ROBO1: variants seen among roughly 807,000 people sequenced by gnomAD.
ROBO1 encodes the protein roundabout homolog 1.
Under a neutral mutation model 195.9 loss-of-function variants are expected in ROBO1, and 149 were observed. That is an observed-to-expected ratio of 0.76 (90% CI 0.67 to 0.87). The LOEUF is 0.87. Among genes scored for constraint, ROBO1 ranks in the 40% least tolerant of loss-of-function variants. ROBO1 has a pLI of 0.00. For missense variants in ROBO1, 1,933 were observed against 2,068.3 expected (o/e 0.93, Z 1.27); for synonymous variants, 816 against 733.2 (o/e 1.11, Z -1.82).
intron 2 of ROBO1, among the ~76,000 whole-genome samples, chr3:79,573,587 G>A (rs537821703): frequency 2.6e-5 from 4 of 152,012 alleles, no homozygotes; most frequent in Non-Finnish European, 5.9e-5. Flanking sequence ...ATATTCATAT[G>A]GGACAATTCC....
intron 4 of ROBO1, among the ~76,000 whole-genome samples, chr3:78,800,236 G>A (rs2084323492): frequency 6.6e-6 from 1 of 152,066 alleles, no homozygotes; most frequent in African/African-American, 2.4e-5. Context: ...GATTTAGAAA[G>A]CAGCCCAGAA....
intron 2 of ROBO1, among the ~76,000 whole-genome samples, chr3:79,243,645 T>C (rs1283909498): frequency 1.3e-5 from 2 of 152,212 alleles, no homozygotes; most frequent in Admixed American, 6.5e-5. Context: ...TTGAGAAGTG[T>C]CTGTTCATAT....
At chr3:79,043,717 T>C (rs1045869355) in intron 3 of ROBO1, among the ~76,000 whole-genome samples, 3 of 152,126 alleles carry the variant, frequency 2.0e-5, no homozygotes, top group Non-Finnish European at 4.4e-5. Flanking sequence ...TGATAACACA[T>C]GTTAAGTATA....
In ROBO1 at chr3:79,560,556, T is replaced by TATACAC. The variant is rs1553764945; in HGVS notation, c.88+29262_88+29267dup. Among the ~76,000 whole-genome samples the TATACAC allele has an allele frequency of 1.8e-3, 215 of 119,830 alleles. 1 individual carries two copies. Among genetic ancestry groups the TATACAC allele is most frequent in the African/African-American group, 4.9e-3 (158 of 32,206 alleles). The allele number at this position is 119,830 out of a possible 152,430, so 78.6% of individuals were successfully genotyped here. On this transcript the variant is annotated intron_variant, in intron 2 of 30. Coordinates refer to ENST00000464233, the MANE Select transcript of ROBO1 (RefSeq NM_002941.4). ...ATAATTATATATATATATATATATA[T>TATACAC]ATACACATACACATACATAAAAAAA...
At chr3:79,344,754 T>C (rs1297283875) in intron 2 of ROBO1, among the ~76,000 whole-genome samples, 1 of 152,072 alleles carries the variant, frequency 6.6e-6, no homozygotes, top group Non-Finnish European at 1.5e-5. Flanking sequence ...TATGGTTTGA[T>C]TCCATGTCCC....
At chr3:79,071,972 A>G (rs1023686465) in intron 3 of ROBO1, among the ~76,000 whole-genome samples, 1 of 151,806 alleles carries the variant, frequency 6.6e-6, no homozygotes, top group Non-Finnish European at 1.5e-5. Flanking sequence ...GAAACTGCTC[A>G]CTCTCTCAAT....
intron 2 of ROBO1, among the ~76,000 whole-genome samples, chr3:79,166,622 G>A (rs1459351605): frequency 6.7e-6 from 1 of 149,148 alleles, no homozygotes; most frequent in East Asian, 2.0e-4. Context: ...CTGGAGTGCA[G>A]TGGTGCAATC....
intron 1 of ROBO1, among the ~76,000 whole-genome samples, chr3:79,738,079 G>T (rs1361527046): frequency 6.6e-6 from 1 of 152,060 alleles, no homozygotes; most frequent in Non-Finnish European, 1.5e-5. Flanking sequence ...ATGTGTAAAA[G>T]TTTCACAGAG....
intron 8 of ROBO1, chr3:78,692,899 G>A (rs9309815): frequency 0.026 from 3,935 of 153,658 alleles, 162 homozygotes; most frequent in African/African-American, 0.091. Flanking sequence ...TTCACCAACA[G>A]GACTTTTAAT....
chr3:79,691,200 G>A (rs1051993686), intron 1 of ROBO1, among the ~76,000 whole-genome samples: 1 of 151,768 alleles, frequency 6.6e-6, no homozygotes, highest in Non-Finnish European at 1.5e-5. Context: ...CCACCTAGCA[G>A]TGACATTTCT....
chr3:79,161,819 A>C (rs1485850316), intron 2 of ROBO1, among the ~76,000 whole-genome samples: 5 of 152,076 alleles, frequency 3.3e-5, no homozygotes, highest in Admixed American at 3.3e-4. Context: ...AGGACCGTCT[A>C]TCCCTAGCTT....
At chr3:79,564,001 C>T (rs989620019) in intron 2 of ROBO1, among the ~76,000 whole-genome samples, 2 of 150,074 alleles carry the variant, frequency 1.3e-5, no homozygotes, top group African/African-American at 2.5e-5. Context: ...ATCAAAGTTA[C>T]GTAGTGGCCT....
intron 2 of ROBO1, among the ~76,000 whole-genome samples, chr3:79,254,346 T>C (rs549805012): frequency 1.3e-5 from 2 of 152,170 alleles, no homozygotes; most frequent in South Asian, 4.1e-4. Flanking sequence ...ATTTGTACTA[T>C]ATAATAGTTA....
intron 1 of ROBO1, among the ~76,000 whole-genome samples, chr3:79,641,929 G>A (rs1291474034): frequency 6.6e-6 from 1 of 152,150 alleles, no homozygotes; most frequent in African/African-American, 2.4e-5. Context: ...TGAGCTGGGA[G>A]GATTACTTGA....
At chr3:78,942,905 C>A (rs1006082784) in intron 3 of ROBO1, among the ~76,000 whole-genome samples, 1 of 151,980 alleles carries the variant, frequency 6.6e-6, no homozygotes, top group Non-Finnish European at 1.5e-5. Context: ...TAGTGAGACC[C>A]CATCTCTAAA....
intron 2 of ROBO1, among the ~76,000 whole-genome samples, chr3:79,148,112 A>T (rs1559694484): frequency 6.6e-6 from 1 of 151,722 alleles, no homozygotes; most frequent in East Asian, 1.9e-4. Flanking sequence ...AGGCCGCAAT[A>T]ATTATTCTTT....
At chr3:78,621,668 G>A (rs1704464231) in intron 26 of ROBO1, among the ~76,000 whole-genome samples, 1 of 152,154 alleles carries the variant, frequency 6.6e-6, no homozygotes, top group Non-Finnish European at 1.5e-5. Context: ...GGGACTTGTC[G>A]CAAATGAACC....
chr3:78,681,098 C>G (rs1276019045), intron 10 of ROBO1, among the ~76,000 whole-genome samples: 1 of 151,728 alleles, frequency 6.6e-6, no homozygotes, highest in Non-Finnish European at 1.5e-5. Context: ...AAACCAAACA[C>G]CGCATGTTCT....
At position 78,814,787 on chromosome 3, in the gene ROBO1, T is replaced by C. The variant is rs140788214; in HGVS notation, c.500-67887A>G. Among the ~76,000 whole-genome samples the C allele has an allele frequency of 1.9e-3, 288 of 152,236 alleles. 1 individual carries two copies. The highest frequency in any genetic ancestry group is 6.4e-3 in the African/African-American group (266 of 41,554). Reference sequence around the variant, plus strand: ...ATACATACAGTCATACCTCATTTTATAGTGCTTCACTTTGCAGATATTGCA... The same window carrying C: ...ATACATACAGTCATACCTCATTTTACAGTGCTTCACTTTGCAGATATTGCA... On this transcript the variant is annotated intron_variant, in intron 4 of 30. Transcript: ENST00000464233.
Sources: gnomAD v4.1 joint callset for allele counts (sites outside exome capture counted in the v4.1 genomes callset) on GRCh38, gnomAD v4.1.1 for gene constraint, MANE v1.5 for transcripts, NCBI Gene and HGNC (gene_info 2026-07-23, HGNC 2026-07-21) for gene names.